The following GALNTL6 variants were observed in gnomAD, a reference collection of about 807,000 sequenced individuals.
GALNTL6 encodes polypeptide N-acetylgalactosaminyltransferase-like 6.
Under a neutral mutation model 73.7 loss-of-function variants are expected in GALNTL6, and 46 were observed. That is an observed-to-expected ratio of 0.62 (90% CI 0.49 to 0.80). The LOEUF (loss-of-function observed/expected upper bound fraction) is 0.80. GALNTL6 is among the 30% of genes least tolerant of loss of function. The pLI, the probability that GALNTL6 is intolerant of heterozygous loss-of-function variation, is 0.00. For synonymous variants in GALNTL6, 259 were observed against 263.7 expected (o/e 0.98, Z 0.17); for missense variants, 604 against 755.0 (o/e 0.80, Z 2.34).
chr4:172,500,095 G>T (rs1395095022), intron 5 of GALNTL6, among the ~76,000 whole-genome samples: 3 of 152,070 alleles, frequency 2.0e-5, no homozygotes, highest in Non-Finnish European at 4.4e-5. Flanking sequence ...TAAATTCAAA[G>T]AAATGTATGT....
intron 3 of GALNTL6, among the ~76,000 whole-genome samples, chr4:172,230,601 G>A (rs1437023245): frequency 2.0e-5 from 3 of 151,534 alleles, no homozygotes; most frequent in Admixed American, 6.6e-5. Context: ...AGACAAAAAA[G>A]AATAAGTCTT....
intron 12 of GALNTL6, among the ~76,000 whole-genome samples, chr4:173,036,767 A>G (rs981296345): frequency 2.0e-5 from 3 of 152,202 alleles, no homozygotes; most frequent in Non-Finnish European, 2.9e-5. Context: ...CAGAAAGGAC[A>G]TCTTCTATCG....
chr4:172,628,709 A>G (rs1424901381), intron 5 of GALNTL6, among the ~76,000 whole-genome samples: 1 of 152,138 alleles, frequency 6.6e-6, no homozygotes, highest in Non-Finnish European at 1.5e-5. Flanking sequence ...AGGGCTCACA[A>G]TTGATATTGT....
At chr4:172,542,252 G>A (rs1236002438) in intron 5 of GALNTL6, among the ~76,000 whole-genome samples, 2 of 151,874 alleles carry the variant, frequency 1.3e-5, no homozygotes, top group Non-Finnish European at 2.9e-5. Context: ...TTTACATAGC[G>A]CCCGGGGAAG....
chr4:172,746,133 T>C (rs1249916366), intron 5 of GALNTL6, among the ~76,000 whole-genome samples: 1 of 152,158 alleles, frequency 6.6e-6, no homozygotes, highest in African/African-American at 2.4e-5. Context: ...AATTTAATTG[T>C]AAAATTATTA....
chr4:172,542,555 G>A (rs1735598409), intron 5 of GALNTL6, among the ~76,000 whole-genome samples: 1 of 152,096 alleles, frequency 6.6e-6, no homozygotes, highest in South Asian at 2.1e-4. Flanking sequence ...TCTGATGATC[G>A]CTTGACATTC....
chr4:172,748,450 T>C (rs1737236149), intron 5 of GALNTL6, among the ~76,000 whole-genome samples: 1 of 151,956 alleles, frequency 6.6e-6, no homozygotes, highest in East Asian at 1.9e-4. Flanking sequence ...AGACAGACAG[T>C]GGCCCCAGTC....
intron 2 of GALNTL6, among the ~76,000 whole-genome samples, chr4:172,206,935 A>C: frequency 6.7e-6 from 1 of 150,306 alleles, no homozygotes; most frequent in South Asian, 2.1e-4. Context: ...CTCGTGCCTC[A>C]GCCTCCCGAG....
At chr4:171,973,808 G>A (rs2111068538) in intron 2 of GALNTL6, among the ~76,000 whole-genome samples, 1 of 152,152 alleles carries the variant, frequency 6.6e-6, no homozygotes, top group Admixed American at 6.6e-5. Context: ...AGAGACATGT[G>A]TTTGTCACTT....
At chr4:172,619,565 G>A (rs1738877674) in intron 5 of GALNTL6, among the ~76,000 whole-genome samples, 1 of 152,124 alleles carries the variant, frequency 6.6e-6, no homozygotes, top group African/African-American at 2.4e-5. Context: ...TCACTGATTT[G>A]GAACTTTGTC....
chr4:172,159,300 T>C (rs1281880376), intron 2 of GALNTL6, among the ~76,000 whole-genome samples: 1 of 152,178 alleles, frequency 6.6e-6, no homozygotes. Context: ...GGAAGGTTAA[T>C]GGTGAGCAAA....
chr4:172,629,297 C>T (rs1410021839), intron 5 of GALNTL6, among the ~76,000 whole-genome samples: 1 of 151,836 alleles, frequency 6.6e-6, no homozygotes. Flanking sequence ...TTTGAAGGTT[C>T]CTAAGATAAT....
intron 3 of GALNTL6, among the ~76,000 whole-genome samples, chr4:172,260,020 T>C (rs1390474970): frequency 1.3e-5 from 2 of 150,320 alleles, no homozygotes; most frequent in African/African-American, 2.4e-5. Flanking sequence ...ACCAAAGTGA[T>C]GTGAAGCCTC....
chr4:172,236,231 A>C (rs1395349702), intron 3 of GALNTL6, among the ~76,000 whole-genome samples: 1 of 152,172 alleles, frequency 6.6e-6, no homozygotes, highest in Non-Finnish European at 1.5e-5. Flanking sequence ...AAAATAAGAA[A>C]ATTCAGAAAC....
intron 5 of GALNTL6, among the ~76,000 whole-genome samples, chr4:172,696,608 G>A (rs1733710627): frequency 5.3e-5 from 8 of 152,128 alleles, no homozygotes. Flanking sequence ...TACAAGATCT[G>A]ATGGTTTTAT....
intron 5 of GALNTL6, among the ~76,000 whole-genome samples, chr4:172,642,830 T>C (rs1740053690): frequency 6.6e-6 from 1 of 151,940 alleles, no homozygotes; most frequent in African/African-American, 2.4e-5. Flanking sequence ...CATAAATATA[T>C]TCCATTTTTA....
rs746775508 is a variant in GALNTL6 at position 172,813,548 on chromosome 4, G to A, written c.748G>A (p.Ala250Thr). 29 of 1,599,750 alleles carry A rather than the reference G, an allele frequency of 1.8e-5. No individual in the cohort carries two copies. The highest frequency in any genetic ancestry group is 2.5e-5 in the Non-Finnish European group (29 of 1,168,726). ...GTGCTTTCATTTTTCAGACCAAATT[G>A]CACTAAACCACAAAACCATCGTGTG... is the stretch of plus-strand genomic sequence containing the variant. ...NWLPPLLNQI[A>T]LNHKTIVCPM... The change falls in exon 7 of 13, where the codon GCA (alanine) becomes ACA (threonine). Residue 250 changes from alanine (A) to threonine (T), a missense_variant. Around this residue, in one of 5 missense-constraint regions of GALNTL6, gnomAD observed 179 missense variants for 230.8 expected, o/e 0.78. Coordinates refer to ENST00000506823, the MANE Select transcript of GALNTL6 (RefSeq NM_001034845.3).
chr4:172,400,448 A>T (rs1289838704), intron 5 of GALNTL6, among the ~76,000 whole-genome samples: 1 of 152,210 alleles, frequency 6.6e-6, no homozygotes, highest in Non-Finnish European at 1.5e-5. Context: ...CAAGTAAGGG[A>T]CAAGAAATAC....
intron 2 of GALNTL6, among the ~76,000 whole-genome samples, chr4:172,009,530 C>A (rs1387961181): frequency 6.6e-6 from 1 of 152,094 alleles, no homozygotes; most frequent in Non-Finnish European, 1.5e-5. Flanking sequence ...CTTGATGATG[C>A]TTCTCATTTA....
Sources: gnomAD v4.1 joint callset for allele counts (sites outside exome capture counted in the v4.1 genomes callset) on GRCh38, gnomAD v4.1.1 for gene constraint, gnomAD v4.1.1 regional missense constraint, MANE v1.5 for transcripts, NCBI Gene and HGNC (gene_info 2026-07-23, HGNC 2026-07-21) for gene names.